Variants in VPS33A observed in about 807,000 individuals in gnomAD.
VPS33A encodes the protein vacuolar protein sorting-associated protein 33A.
VPS33A carries 32 observed loss-of-function variants against 71.8 expected under a neutral mutation model. The observed-to-expected ratio is 0.45, with a 90% CI of 0.34 to 0.60. The LOEUF is 0.60. Ranked by LOEUF, VPS33A falls within the 20% of genes least tolerant of loss-of-function variation. The probability of loss-of-function intolerance (pLI) is 0.02; values close to 1 mark genes in which losing one functional copy is unlikely to be tolerated. For missense variants in VPS33A, 625 were observed against 748.5 expected (o/e 0.84, Z 1.92); for synonymous variants, 311 against 292.7 (o/e 1.06, Z -0.64).
chr12:122,250,961 C>G, intron 5 of VPS33A, 22 bp downstream of exon 5: 1 of 1,595,384 alleles, frequency 6.3e-7, no homozygotes, highest in Non-Finnish European at 8.6e-7. Flanking sequence ...TCCTTTACCA[C>G]CACAAAGCAG....
In VPS33A at chr12:122,249,916, G is replaced by T; in HGVS notation, c.730C>A (p.Leu244Met). The change falls in exon 6 of 13, where the codon CTG (leucine) becomes ATG (methionine). Residue 244 changes from leucine to methionine, a missense_variant. Leu to Met is a conservative substitution (Grantham distance 15). Coordinates refer to ENST00000267199, the MANE Select transcript of VPS33A (RefSeq NM_022916.6). ...TCATCAATGAGTCCTTCATATGTCA[G>T]CTGAGTGGCAAGAGGTGTTAATAAA... is the stretch of plus-strand genomic sequence containing the variant. The part of the protein sequence containing the change: ...VDLLTPLATQ[L>M]TYEGLIDEIY... 1 of 1,614,002 alleles carries T rather than the reference G, an allele frequency of 6.2e-7. No homozygotes were observed.
chr12:122,245,857 T>C (rs917821430), intron 6 of VPS33A, among the ~76,000 whole-genome samples: 7 of 152,218 alleles, frequency 4.6e-5, no homozygotes, highest in Admixed American at 6.5e-5. Context: ...GGTTCCTCTG[T>C]ATGACCTGCA....
rs185401714 is a variant in VPS33A at position 122,230,110 on chromosome 12, T to A, written c.*2136A>T. 6.6e-6 allele frequency: 1 copy of A among 152,240 alleles called. No individual in the cohort carries two copies. 9.4% of individuals were successfully genotyped at this position (152,240 alleles called of 1,614,324 possible). ...GTATTTAAAAAAGGATTTTCTACAA[T>A]GAAAATGGTTTTCTTTAAGACATTT... On this transcript the variant is annotated 3_prime_UTR_variant, in exon 13 of 13. Coordinates refer to ENST00000267199, the MANE Select transcript of VPS33A (RefSeq NM_022916.6).
rs1429128902 is a variant in VPS33A, at chr12:122,244,676, G to C, written c.862C>G (p.Gln288Glu). Residue 288 changes from glutamine (Q) to glutamate (E), a missense_variant, in exon 7 of 13, where the codon CAG becomes GAG. Physicochemically the swap from Gln to Glu is conservative, Grantham distance 29. Transcript: ENST00000267199. Reference protein sequence around the residue: ...KDLPTEAKKLQLNSAEELYAE... With the variant: ...KDLPTEAKKLELNSAEELYAE... ...TAGAGCTCCTCTGCAGAATTCAGCT[G>C]CAGCTTCTTTGCTTCCGTGGGGAGG... 1 of 1,614,162 alleles carries C rather than the reference G, an allele frequency of 6.2e-7. No homozygotes were observed. Among genetic ancestry groups the C allele is most frequent in the Non-Finnish European group, 8.5e-7 (1 of 1,180,030 alleles).
At chr12:122,236,849 C>A (rs1038651484) in intron 10 of VPS33A, among the ~76,000 whole-genome samples, 2 of 152,098 alleles carry the variant, frequency 1.3e-5, no homozygotes, top group Non-Finnish European at 2.9e-5. Flanking sequence ...CTGGATCCAG[C>A]CAGTCTTGCT....
intron 10 of VPS33A, among the ~76,000 whole-genome samples, chr12:122,236,402 G>A (rs1244545861): frequency 6.6e-6 from 1 of 152,174 alleles, no homozygotes; most frequent in African/African-American, 2.4e-5. Flanking sequence ...TACTTTGGGA[G>A]GCCGAGGCGG....
intron 5 of VPS33A, 64 bp from the exon 6 acceptor site, chr12:122,250,109 TAAAACCAGA>T: frequency 1.4e-6 from 2 of 1,470,976 alleles, no homozygotes; most frequent in Non-Finnish European, 1.8e-6. Flanking sequence ...AAAATTTGTC[TAAAACCAGA>T]AAGACAATCA....
rs753704582 is a variant in VPS33A at position 122,266,295 on chromosome 12, C to A, written c.102+12G>T. Reference sequence around the variant, plus strand: ...GGAGGCGAGGGCGGTGTCGCTGCCTCCCGCCCCTCACCTTGCTTCCTGCGC... The same window carrying A: ...GGAGGCGAGGGCGGTGTCGCTGCCTACCGCCCCTCACCTTGCTTCCTGCGC... On this transcript the variant is annotated intron_variant, in intron 1 of 12. Coordinates refer to ENST00000267199, the MANE Select transcript of VPS33A (RefSeq NM_022916.6). 1 of 1,608,778 alleles carries A rather than the reference C, an allele frequency of 6.2e-7. No individual in the cohort carries two copies. Among genetic ancestry groups the A allele is most frequent in the South Asian group, 1.1e-5 (1 of 90,992 alleles).
intron 7 of VPS33A, among the ~76,000 whole-genome samples, chr12:122,244,032 A>G (rs1447392793): frequency 6.6e-6 from 1 of 152,208 alleles, no homozygotes; most frequent in Non-Finnish European, 1.5e-5. Flanking sequence ...CCCATGTTTC[A>G]AAAAGGAGCC....
chr12:122,256,638 G>GCAT (rs922600739), intron 4 of VPS33A, among the ~76,000 whole-genome samples: 1 of 150,078 alleles, frequency 6.7e-6, no homozygotes, highest in African/African-American at 2.4e-5. Context: ...AGCAGCAGCA[G>GCAT]CATCATAAAC....
chr12:122,239,006 C>T (rs200550465), intron 9 of VPS33A, among the ~76,000 whole-genome samples: 4 of 92,548 alleles, frequency 4.3e-5, no homozygotes, highest in Admixed American at 3.3e-4. Flanking sequence ...TACACACACA[C>T]ACACACACAC....
intron 1 of VPS33A, chr12:122,265,810 G>T: frequency 2.3e-6 from 1 of 426,994 alleles, no homozygotes; most frequent in East Asian, 7.2e-5. Flanking sequence ...TGTGAAAAGG[G>T]TGCTACTAGA....
chr12:122,232,234 C>G lies in VPS33A; in HGVS notation c.*12G>C. 1 of 1,606,590 alleles carries G rather than the reference C, an allele frequency of 6.2e-7. No individual in the cohort carries two copies. Among genetic ancestry groups the G allele is most frequent in the South Asian group, 1.1e-5 (1 of 89,586 alleles). On this transcript the variant is annotated 3_prime_UTR_variant, in exon 13 of 13. Coordinates refer to ENST00000267199, the MANE Select transcript of VPS33A (RefSeq NM_022916.6). ...ATTCTGCAGTACACTTGTTAAGTCTCCTCTGAACATCCTAGAAAGGTTTTT... is the reference window on the plus strand; with the variant it reads ...ATTCTGCAGTACACTTGTTAAGTCTGCTCTGAACATCCTAGAAAGGTTTTT...
At chr12:122,261,728 C>T (rs1954998265) in intron 3 of VPS33A, among the ~76,000 whole-genome samples, 1 of 151,704 alleles carries the variant, frequency 6.6e-6, no homozygotes, top group East Asian at 1.9e-4. Flanking sequence ...AATGGCTGGG[C>T]GCAGTGGCTC....
At chr12:122,243,945 T>G (rs1367842710) in intron 7 of VPS33A, among the ~76,000 whole-genome samples, 2 of 152,166 alleles carry the variant, frequency 1.3e-5, no homozygotes, top group South Asian at 4.1e-4. Flanking sequence ...ACATACTCAG[T>G]GAAAAATTCA....
intron 7 of VPS33A, 81 bp from the exon 8 acceptor site, chr12:122,242,589 G>C (rs1954730250): frequency 6.8e-7 from 1 of 1,474,798 alleles, no homozygotes; most frequent in Non-Finnish European, 9.1e-7. Context: ...CTCTCGCTTT[G>C]TTGCCCAGGC....
At chr12:122,252,559 C>T (rs1428705896) in intron 4 of VPS33A, among the ~76,000 whole-genome samples, 1 of 151,784 alleles carries the variant, frequency 6.6e-6, no homozygotes, top group African/African-American at 2.4e-5. Flanking sequence ...CGTGAGCCAC[C>T]GCGCCCAGCC....
rs1332194319 is a variant in VPS33A, at chr12:122,261,359, C to A, written c.385G>T (p.Gly129Cys). The A allele has an allele frequency of 6.2e-7, 1 of 1,613,786 alleles. No individual in the cohort carries two copies. Among genetic ancestry groups the A allele is most frequent in the African/African-American group, 1.3e-5 (1 of 74,896 alleles). Residue 129 changes from glycine (G) to cysteine (C), a missense_variant, in exon 4 of 13, where the codon GGT becomes TGT. Gly to Cys is a radical substitution (Grantham distance 159, BLOSUM62 -3). Transcript: ENST00000267199. The stretch of plus-strand genomic sequence containing the variant: ...CTGTGAATAAAGGATCCCAAGACAC[C>A]CAGATCCTTCAACCGCTGTTCGCAC... ...LLCEQRLKDL[G>C]VLGSFIHREE...
In VPS33A at chr12:122,266,361, G is replaced by A. The variant is rs746312862; in HGVS notation, c.48C>T (p.Arg16=). ...SYGRVNLNVL[R]EAVRRELREF... is the part of the protein sequence containing the mutation. ...CGCGCAGCTCGCGACGCACCGCCTC[G>A]CGCAACACGTTTAGGTTCACTCGGC... The change falls in exon 1 of 13, where the codon CGC becomes CGT. Residue 16 remains arginine (R), a synonymous_variant. Transcript: ENST00000267199. 1.9e-6 allele frequency: 3 copies of A among 1,613,534 alleles called. No individual in the cohort carries two copies. The highest frequency in any genetic ancestry group is 2.5e-6 in the Non-Finnish European group (3 of 1,179,964).
Sources: allele counts gnomAD v4.1 joint callset (sites outside exome capture counted in the v4.1 genomes callset), GRCh38; gene constraint gnomAD v4.1.1; transcripts MANE v1.5; gene names NCBI Gene and HGNC (gene_info 2026-07-23, HGNC 2026-07-21).